RAPGEF2: variants seen among roughly 807,000 people sequenced by gnomAD.
RAPGEF2 encodes the protein Rap guanine nucleotide exchange factor 2.
RAPGEF2 carries 54 observed loss-of-function variants against 186.7 expected under a neutral mutation model. The observed-to-expected ratio is 0.29, with a 90% CI of 0.23 to 0.36. RAPGEF2 has a LOEUF of 0.36. Ranked by LOEUF, RAPGEF2 falls within the 10% of genes least tolerant of loss-of-function variation. The pLI is 1.00. For missense variants in RAPGEF2, 1,532 were observed against 2,045.0 expected (o/e 0.75, Z 4.84); for synonymous variants, 712 against 705.9 (o/e 1.01, Z -0.14).
intron 11 of RAPGEF2, chr4:159,328,892 AATT>A (rs757230885): frequency 5.9e-5 from 9 of 152,156 alleles, no homozygotes; most frequent in Non-Finnish European, 1.3e-4. Context: ...TTTTTTAAAA[AATT>A]AATATGAGCA....
At chr4:159,228,663 C>T (rs548503631) in intron 4 of RAPGEF2, among the ~76,000 whole-genome samples, 1 of 152,260 alleles carries the variant, frequency 6.6e-6, no homozygotes, top group South Asian at 2.1e-4. Flanking sequence ...TTTCCCAATA[C>T]TTCTGAAATA....
At chr4:159,166,394 G>GT (rs1211092447) in intron 1 of RAPGEF2, among the ~76,000 whole-genome samples, 1 of 152,234 alleles carries the variant, frequency 6.6e-6, no homozygotes, top group African/African-American at 2.4e-5. Flanking sequence ...GAGACTGGGT[G>GT]TGGCAGAGGC....
chr4:159,347,613 T>G (rs558449446), intron 25 of RAPGEF2, among the ~76,000 whole-genome samples: 380 of 152,172 alleles, frequency 2.5e-3, no homozygotes, highest in Non-Finnish European at 4.0e-3. Flanking sequence ...TGAAACCCTG[T>G]CTCTACTAAA....
At chr4:159,244,487 G>A (rs1049789271) in intron 7 of RAPGEF2, among the ~76,000 whole-genome samples, 1 of 151,916 alleles carries the variant, frequency 6.6e-6, no homozygotes, top group African/African-American at 2.4e-5. Context: ...ACTGTACTAA[G>A]TACTAAAATC....
chr4:159,161,795 A>T (rs1309997583), intron 1 of RAPGEF2, among the ~76,000 whole-genome samples: 1 of 152,214 alleles, frequency 6.6e-6, no homozygotes, highest in African/African-American at 2.4e-5. Flanking sequence ...ATCTTCATAC[A>T]TATTAAATTT....
chr4:159,300,190 A>G (rs1413495273), intron 7 of RAPGEF2, among the ~76,000 whole-genome samples: 1 of 149,400 alleles, frequency 6.7e-6, no homozygotes, highest in Non-Finnish European at 1.5e-5. Context: ...ATATGCATAA[A>G]CCTAAAATTA....
At chr4:159,222,501 A>G (rs750626415) in intron 4 of RAPGEF2, among the ~76,000 whole-genome samples, 18 of 152,214 alleles carry the variant, frequency 1.2e-4, no homozygotes, top group Non-Finnish European at 2.4e-4. Flanking sequence ...AGAAATAAAT[A>G]ATGCTATATT....
At chr4:159,210,927 T>A (rs1347901623) in intron 4 of RAPGEF2, among the ~76,000 whole-genome samples, 1 of 152,174 alleles carries the variant, frequency 6.6e-6, no homozygotes, top group Non-Finnish European at 1.5e-5. Flanking sequence ...GCAGGCAGTC[T>A]CATAAACATC....
chr4:159,235,117 T>C (rs1198812576), intron 4 of RAPGEF2, among the ~76,000 whole-genome samples: 3 of 152,220 alleles, frequency 2.0e-5, no homozygotes, highest in Non-Finnish European at 4.4e-5. Flanking sequence ...TTGGATTCCC[T>C]GAATTTTTTG....
chr4:159,173,776 C>T (rs1746158654), intron 1 of RAPGEF2, among the ~76,000 whole-genome samples: 1 of 152,088 alleles, frequency 6.6e-6, no homozygotes, highest in African/African-American at 2.4e-5. Context: ...GGTTGTTTTA[C>T]TTAAATGTTA....
At chr4:159,214,997 G>T (rs1750867656) in intron 4 of RAPGEF2, among the ~76,000 whole-genome samples, 1 of 152,116 alleles carries the variant, frequency 6.6e-6, no homozygotes, top group Non-Finnish European at 1.5e-5. Context: ...CAAGTAGTTG[G>T]TATTACAGGT....
chr4:159,355,878 G>GCCCGC lies in RAPGEF2; in HGVS notation c.4680_4681insGCCCC (p.Pro1561AlafsTer66). ...CACGAAAGGAGGGCAGGTATCGAGA[G>GCCCGC]CCCCCGCCCACCCCTCCCGGCTACA... On this transcript the variant is annotated frameshift_variant, in exon 29 of 30. Transcript: ENST00000691494. LOFTEE classifies it high-confidence loss of function. 2.2e-4 allele frequency: 339 copies of GCCCGC among 1,515,320 alleles called. No homozygotes were observed. The highest frequency in any genetic ancestry group is 3.2e-4 in the East Asian group (13 of 40,052). 93.9% of individuals were successfully genotyped at this position (1,515,320 alleles called of 1,614,324 possible).
At chr4:159,312,884 A>G (rs1264946888) in intron 8 of RAPGEF2, among the ~76,000 whole-genome samples, 1 of 152,252 alleles carries the variant, frequency 6.6e-6, no homozygotes, top group Non-Finnish European at 1.5e-5. Flanking sequence ...GTGGTGGCTC[A>G]TGCCTGTAAT....
intron 1 of RAPGEF2, among the ~76,000 whole-genome samples, chr4:159,148,739 C>T (rs1371838643): frequency 6.6e-6 from 1 of 152,046 alleles, no homozygotes; most frequent in Non-Finnish European, 1.5e-5. Context: ...GTACAGTGTA[C>T]GTTTATCTGC....
chr4:159,198,779 G>A (rs534860591), intron 3 of RAPGEF2, among the ~76,000 whole-genome samples: 6 of 151,882 alleles, frequency 4.0e-5, no homozygotes, highest in Non-Finnish European at 5.9e-5. Flanking sequence ...TGTAACCACC[G>A]TTTTGAAGTA....
At chr4:159,155,947 T>C (rs920785657) in intron 1 of RAPGEF2, among the ~76,000 whole-genome samples, 19 of 152,232 alleles carry the variant, frequency 1.2e-4, no homozygotes, top group South Asian at 1.0e-3. Context: ...CAAAAACTTA[T>C]TGCCAAGTTT....
intron 7 of RAPGEF2, among the ~76,000 whole-genome samples, chr4:159,253,694 C>A (rs1356132330): frequency 6.6e-6 from 1 of 151,842 alleles, no homozygotes; most frequent in Non-Finnish European, 1.5e-5. Context: ...TGTGGCCAGG[C>A]GCGGTGGCTC....
chr4:159,339,404 C>T (rs768154111), intron 19 of RAPGEF2, 50 bp downstream of exon 19: 2 of 1,573,172 alleles, frequency 1.3e-6, no homozygotes, highest in Admixed American at 3.5e-5. Flanking sequence ...TTCGAACCCA[C>T]ATCAAAGTCT....
intron 2 of RAPGEF2, among the ~76,000 whole-genome samples, chr4:159,189,152 A>G (rs2111302472): frequency 6.6e-6 from 1 of 152,316 alleles, no homozygotes; most frequent in East Asian, 1.9e-4. Context: ...CTTCCACATG[A>G]CACAGTTTTA....
Sources: gnomAD v4.1 joint callset for allele counts (sites outside exome capture counted in the v4.1 genomes callset) on GRCh38, gnomAD v4.1.1 for gene constraint, MANE v1.5 for transcripts, NCBI Gene and HGNC (gene_info 2026-07-23, HGNC 2026-07-21) for gene names.